EHD4: variants seen among roughly 807,000 people sequenced by gnomAD.
EHD4 encodes EH domain containing 4.
In EHD4, 37 loss-of-function variants were observed where a neutral mutation model predicts 51.0. That is an observed-to-expected ratio of 0.73 (90% confidence interval 0.56 to 0.95). The LOEUF is 0.95. Ranked by LOEUF, EHD4 falls within the 40% of genes least tolerant of loss-of-function variation. The pLI, the probability that EHD4 is intolerant of heterozygous loss-of-function variation, is 0.00. For synonymous variants in EHD4, 297 were observed against 317.3 expected, an observed-to-expected ratio of 0.94 and a Z score of 0.68; for missense variants, 632 against 733.1, an observed-to-expected ratio of 0.86 and a Z score of 1.59.
chr15:41,922,107 G>C (rs2140989787), intron 3 of EHD4, among the ~76,000 whole-genome samples: 1 of 152,322 alleles, frequency 6.6e-6, no homozygotes, highest in East Asian at 1.9e-4. Context: ...GTGATGATAA[G>C]GCTGGGCACG....
chr15:41,911,843 C>A (rs1595531406), intron 4 of EHD4, among the ~76,000 whole-genome samples: 1 of 152,112 alleles, frequency 6.6e-6, no homozygotes. Context: ...GAGCCCTCAC[C>A]ACGTACTAGT....
At chr15:41,939,956 A>G (rs1352310623) in intron 3 of EHD4, among the ~76,000 whole-genome samples, 1 of 152,070 alleles carries the variant, frequency 6.6e-6, no homozygotes, top group Non-Finnish European at 1.5e-5. Flanking sequence ...GATTTAGATG[A>G]CGTTTACTCC....
At chr15:41,949,051 T>TATATATATATATACACAC (rs1491135423) in intron 2 of EHD4, among the ~76,000 whole-genome samples, 6 of 109,460 alleles carry the variant, frequency 5.5e-5, no homozygotes, top group Non-Finnish European at 9.2e-5. Context: ...TATATATATA[T>TATATATATATATACACAC]ACACACATAC....
chr15:41,944,224 G>A (rs752180241), intron 2 of EHD4, among the ~76,000 whole-genome samples: 2 of 152,152 alleles, frequency 1.3e-5, no homozygotes, highest in East Asian at 1.9e-4. Context: ...AGGGTCTGGC[G>A]ATGTCCTTTT....
chr15:41,936,855 C>T (rs1427157607), intron 3 of EHD4, among the ~76,000 whole-genome samples: 1 of 152,214 alleles, frequency 6.6e-6, no homozygotes, highest in Non-Finnish European at 1.5e-5. Flanking sequence ...TTTGTCAAAA[C>T]TTCCCCGAAA....
rs1033927883 is a variant in EHD4, at chr15:41,897,381, A to C, written c.*3264T>G. On this transcript the variant is annotated 3_prime_UTR_variant, in exon 6 of 6. Coordinates refer to ENST00000220325, the MANE Select transcript of EHD4 (RefSeq NM_139265.4). ...GGTGAACCACAGCTCCACAGCCCCA[A>C]ATCCAAAGATGCTCTTGCTGCAGCA... The C allele has an allele frequency of 7.2e-5, 11 of 152,254 alleles. No individual in the cohort carries two copies. Among genetic ancestry groups the C allele is most frequent in the African/African-American group, 2.7e-4 (11 of 41,448 alleles). The allele number at this position is 152,254 out of a possible 1,614,324, so 9.4% of individuals were successfully genotyped here.
chr15:41,959,550 A>G lies in EHD4; in HGVS notation c.237-5610T>C, dbSNP rs934271701. ...AAACATTTTTAAAATAAGTTTTGGA[A>G]AGTTTCATGTAATATATTTTTCTTC... On this transcript the variant is annotated intron_variant, in intron 1 of 5. Transcript: ENST00000220325. Among the ~76,000 whole-genome samples the G allele has an allele frequency of 2.6e-5, 4 of 152,134 alleles. No homozygotes were observed. In the South Asian group the frequency reaches 8.3e-4, roughly 31 times the overall value.
intron 3 of EHD4, among the ~76,000 whole-genome samples, chr15:41,925,466 C>T (rs1176611208): frequency 1.3e-5 from 2 of 152,202 alleles, no homozygotes; most frequent in African/African-American, 4.8e-5. Flanking sequence ...GGGCATGGAA[C>T]GATCTGGACC....
At chr15:41,964,383 G>A (rs529888102) in intron 1 of EHD4, among the ~76,000 whole-genome samples, 13 of 152,202 alleles carry the variant, frequency 8.5e-5, no homozygotes, top group South Asian at 6.2e-4. Context: ...CGTGAGGATC[G>A]CTTGAGCTCA....
chr15:41,905,002 A>C (rs1382496754), intron 5 of EHD4, among the ~76,000 whole-genome samples: 3 of 152,254 alleles, frequency 2.0e-5, no homozygotes, highest in African/African-American at 7.2e-5. Flanking sequence ...CAGGGAGAAT[A>C]ACAACCTAAA....
chr15:41,919,636 A>G lies in EHD4; in HGVS notation c.512-14T>C. On this transcript the variant is annotated splice_polypyrimidine_tract_variant and intron_variant, in intron 3 of 5. Coordinates refer to ENST00000220325, the MANE Select transcript of EHD4 (RefSeq NM_139265.4). ...AGAAGTCATAGCCTGGGTGGAGAGA[A>G]GGACACGTCAGTGTAGCCACTGCTG... 5 of 1,507,394 alleles carry G rather than the reference A, an allele frequency of 3.3e-6. No homozygotes were observed. The highest frequency in any genetic ancestry group is 3.5e-6 in the Non-Finnish European group (4 of 1,129,014). The allele number at this position is 1,507,394 out of a possible 1,614,324, so 93.4% of individuals were successfully genotyped here.
Position 41,943,112 on chromosome 15 carries a change from C to G in EHD4, c.466G>C (p.Asp156His). 1.3e-6 allele frequency: 2 copies of G among 1,592,980 alleles called. No homozygotes were observed. The highest frequency in any genetic ancestry group is 1.7e-6 in the Non-Finnish European group (2 of 1,169,794). Residue 156 changes from aspartate to histidine, a missense_variant, in exon 3 of 6, where the codon GAC (aspartate) becomes CAC (histidine). By Grantham distance (81) the Asp-to-His change is moderately conservative. Transcript: ENST00000220325. ...TCCCCAGAAAGGATGCCGGGGCTGTCGATGACGCTGATGCTCTTCAGGACC... is the reference window on the plus strand; with the variant it reads ...TCCCCAGAAAGGATGCCGGGGCTGTGGATGACGCTGATGCTCTTCAGGACC... ...NQVLKSISVI[D>H]SPGILSGEKQ... is the part of the protein sequence containing the mutation.
rs1175795565 is a variant in EHD4, at chr15:41,898,737, T to A, written c.*1908A>T. 1 of 152,196 alleles carries A rather than the reference T, an allele frequency of 6.6e-6. No individual in the cohort carries two copies. Among genetic ancestry groups the A allele is most frequent in the Non-Finnish European group, 1.5e-5 (1 of 68,042 alleles). The allele number at this position is 152,196 out of a possible 1,614,324, so 9.4% of individuals were successfully genotyped here. A position where few individuals can be genotyped will look rare whatever the true frequency, so the allele number is the denominator to read the frequency against. On this transcript the variant is annotated 3_prime_UTR_variant, in exon 6 of 6. Coordinates refer to ENST00000220325, the MANE Select transcript of EHD4 (RefSeq NM_139265.4). ...CTGTAGTCCCAGCTACTTGGGAGGC[T>A]GAGGCAGGGGAATCACTTGAACCTG... is the stretch of plus-strand genomic sequence containing the variant.
intron 1 of EHD4, among the ~76,000 whole-genome samples, chr15:41,960,488 ACTATT>A (rs2067917419): frequency 6.6e-6 from 1 of 152,170 alleles, no homozygotes; most frequent in Admixed American, 6.5e-5. Context: ...ATGGCTGCAT[ACTATT>A]CTAAGTTGAA....
intron 3 of EHD4, among the ~76,000 whole-genome samples, chr15:41,934,908 G>C (rs2067722060): frequency 6.6e-6 from 1 of 152,156 alleles, no homozygotes; most frequent in South Asian, 2.1e-4. Flanking sequence ...AATAATTCTA[G>C]GTAATCAACA....
chr15:41,902,811 A>C (rs1219398535), intron 5 of EHD4, among the ~76,000 whole-genome samples: 1 of 138,648 alleles, frequency 7.2e-6, no homozygotes, highest in Non-Finnish European at 1.5e-5. Context: ...ATGTATGTGT[A>C]TATATATGTA....
At chr15:41,909,254 C>G (rs527479131) in intron 5 of EHD4, among the ~76,000 whole-genome samples, 1 of 152,348 alleles carries the variant, frequency 6.6e-6, no homozygotes, top group South Asian at 2.1e-4. Flanking sequence ...AGCCCCACAG[C>G]CCCTGCTGGA....
At chr15:41,963,124 T>C (rs1156692978) in intron 1 of EHD4, among the ~76,000 whole-genome samples, 1 of 152,090 alleles carries the variant, frequency 6.6e-6, no homozygotes, top group Non-Finnish European at 1.5e-5. Flanking sequence ...CACCACTCCC[T>C]AATCTCAAGT....
intron 3 of EHD4, among the ~76,000 whole-genome samples, chr15:41,931,619 T>C (rs767319967): frequency 6.6e-6 from 1 of 152,188 alleles, no homozygotes; most frequent in Non-Finnish European, 1.5e-5. Flanking sequence ...AATTAGCATA[T>C]GCATTACTTC....
Sources: allele counts gnomAD v4.1 joint callset (sites outside exome capture counted in the v4.1 genomes callset), GRCh38; gene constraint gnomAD v4.1.1; transcripts MANE v1.5; gene names NCBI Gene and HGNC (gene_info 2026-07-23, HGNC 2026-07-21).